RPS6KC1: variants seen among roughly 807,000 people sequenced by gnomAD.
RPS6KC1 encodes the protein inactive ribosomal protein S6 kinase delta-1.
RPS6KC1 carries 54 observed loss-of-function variants against 103.8 expected under a neutral mutation model. The ratio of observed to expected loss-of-function variants is 0.52; its 90% CI spans 0.42 to 0.65. RPS6KC1 has a LOEUF of 0.65. RPS6KC1 is among the 30% of genes least tolerant of loss of function. RPS6KC1 has a pLI of 0.00. For missense variants in RPS6KC1, 1,151 were observed against 1,253.8 expected, an observed-to-expected ratio of 0.92 and a Z score of 1.24; for synonymous variants, 439 against 438.7, an observed-to-expected ratio of 1.00 and a Z score of -0.01.
At chr1:213,151,249 C>T (rs1218965528) in intron 6 of RPS6KC1, among the ~76,000 whole-genome samples, 4 of 123,668 alleles carry the variant, frequency 3.2e-5, no homozygotes, top group African/African-American at 6.3e-5. Context: ...CCGGACGGGG[C>T]GGCTGGCCGG....
chr1:213,059,324 ATG>A (rs1048427039), intron 1 of RPS6KC1, among the ~76,000 whole-genome samples: 23 of 152,236 alleles, frequency 1.5e-4, no homozygotes, highest in Admixed American at 1.0e-3. Context: ...TCCAAAATGT[ATG>A]TCTTTTATTT....
At chr1:213,655,980 A>G in the RPS6KC1 span, among the ~76,000 whole-genome samples, 2 of 152,186 alleles carry the variant, frequency 1.3e-5, 1 homozygote, top group South Asian at 4.1e-4. Context: ...CTATTTTAAG[A>G]TTTGGAGACT....
chr1:213,649,258 T>TAAA, the RPS6KC1 span, among the ~76,000 whole-genome samples: 11 of 138,472 alleles, frequency 7.9e-5, no homozygotes, highest in South Asian at 2.4e-4. Flanking sequence ...AGTCTCCACT[T>TAAA]AAAAAAAAAA....
At chr1:213,112,671 G>A (rs532603185) in intron 4 of RPS6KC1, among the ~76,000 whole-genome samples, 5 of 151,742 alleles carry the variant, frequency 3.3e-5, no homozygotes, top group South Asian at 4.2e-4. Flanking sequence ...CCATTAACTC[G>A]TCATCTAGCA....
the RPS6KC1 span, among the ~76,000 whole-genome samples, chr1:213,634,681 G>A: frequency 7.3e-5 from 11 of 151,408 alleles, no homozygotes; most frequent in Middle Eastern, 3.4e-3. Context: ...CAGAGAAGCA[G>A]GAGCAAACAA....
At chr1:213,745,336 G>T in the RPS6KC1 span, among the ~76,000 whole-genome samples, 43 of 151,026 alleles carry the variant, frequency 2.8e-4, no homozygotes, top group Middle Eastern at 6.8e-3. Flanking sequence ...AAAAATGTCA[G>T]GCTTGAAATG....
the RPS6KC1 span, among the ~76,000 whole-genome samples, chr1:213,379,156 T>G: frequency 6.6e-6 from 1 of 152,244 alleles, no homozygotes; most frequent in Non-Finnish European, 1.5e-5. Context: ...CTTACAGGAC[T>G]GTTAAAGGCC....
chr1:213,746,112 A>G, the RPS6KC1 span, among the ~76,000 whole-genome samples: 1 of 152,236 alleles, frequency 6.6e-6, no homozygotes, highest in Non-Finnish European at 1.5e-5. Context: ...CTTATATTCT[A>G]GTGAGAGAAG....
At chr1:213,187,362 A>G (rs367773330) in intron 8 of RPS6KC1, among the ~76,000 whole-genome samples, 1 of 148,784 alleles carries the variant, frequency 6.7e-6, no homozygotes, top group East Asian at 2.0e-4. Context: ...CTCGTGCCTC[A>G]GCCTCCCAAG....
the RPS6KC1 span, among the ~76,000 whole-genome samples, chr1:213,511,453 A>G: frequency 6.6e-6 from 1 of 152,174 alleles, no homozygotes; most frequent in East Asian, 1.9e-4. Flanking sequence ...GTGTCCTGTG[A>G]AGCCAACTTG....
chr1:213,192,230 G>T (rs1469543501), intron 8 of RPS6KC1, among the ~76,000 whole-genome samples: 1 of 152,076 alleles, frequency 6.6e-6, no homozygotes, highest in Non-Finnish European at 1.5e-5. Flanking sequence ...TGCTTCCCTG[G>T]GATAAATCCC....
chr1:213,394,111 T>C, the RPS6KC1 span, among the ~76,000 whole-genome samples: 2 of 152,060 alleles, frequency 1.3e-5, no homozygotes, highest in East Asian at 3.9e-4. Flanking sequence ...CATGGCAGCT[T>C]AGCTGAGTGC....
chr1:213,321,139 T>G, the RPS6KC1 span, among the ~76,000 whole-genome samples: 1 of 152,246 alleles, frequency 6.6e-6, no homozygotes, highest in African/African-American at 2.4e-5. Context: ...AAGCAAATTT[T>G]GACTACACGT....
At chr1:213,430,950 A>T in the RPS6KC1 span, among the ~76,000 whole-genome samples, 1 of 151,934 alleles carries the variant, frequency 6.6e-6, no homozygotes, top group South Asian at 2.1e-4. Context: ...TTGCCTCTGC[A>T]CTCTACCTGA....
chr1:213,419,197 G>A, the RPS6KC1 span, among the ~76,000 whole-genome samples: 4 of 152,170 alleles, frequency 2.6e-5, no homozygotes, highest in Non-Finnish European at 4.4e-5. Flanking sequence ...CTTCACCTCT[G>A]ATGATGCCCC....
At chr1:213,287,232 A>ATG in the RPS6KC1 span, among the ~76,000 whole-genome samples, 64 of 146,834 alleles carry the variant, frequency 4.4e-4, no homozygotes, top group African/African-American at 1.5e-3. Flanking sequence ...TGCCTATACA[A>ATG]TGTGTGTGTG....
At chr1:213,420,489 AC>A in the RPS6KC1 span, among the ~76,000 whole-genome samples, 2 of 152,346 alleles carry the variant, frequency 1.3e-5, no homozygotes, top group South Asian at 2.1e-4. Context: ...TACAGACAAG[AC>A]AAAAAGGCAA....
the RPS6KC1 span, among the ~76,000 whole-genome samples, chr1:213,350,543 A>C: frequency 2.0e-5 from 3 of 152,144 alleles, no homozygotes; most frequent in Non-Finnish European, 2.9e-5. Context: ...CACCTGGAAA[A>C]TCCTGTGCCA....
At chr1:213,503,723 GAACA>G in the RPS6KC1 span, among the ~76,000 whole-genome samples, 1 of 152,118 alleles carries the variant, frequency 6.6e-6, no homozygotes, top group Admixed American at 6.6e-5. Context: ...TTGAAAAAAT[GAACA>G]AACAGACAAA....
Sources: allele counts gnomAD v4.1 joint callset (sites outside exome capture counted in the v4.1 genomes callset), GRCh38; gene constraint gnomAD v4.1.1; transcripts MANE v1.5; gene names NCBI Gene and HGNC (gene_info 2026-07-23, HGNC 2026-07-21).